The following RNLS variants were observed in gnomAD, a reference collection of about 807,000 sequenced individuals.
RNLS encodes renalase.
In RNLS, 39 loss-of-function variants were observed where a neutral mutation model predicts 39.8. The observed-to-expected ratio is 0.98, with a 90% confidence interval of 0.76 to 1.28. The LOEUF (loss-of-function observed/expected upper bound fraction) is 1.28. Ranked by LOEUF, RNLS falls within the 50% of genes most tolerant of loss-of-function variation. RNLS has a pLI of 0.00. For synonymous variants in RNLS, 147 were observed against 150.7 expected, an observed-to-expected ratio of 0.98 and a Z score of 0.18; for missense variants, 410 against 413.3, an observed-to-expected ratio of 0.99 and a Z score of 0.07.
intron 4 of RNLS, among the ~76,000 whole-genome samples, chr10:88,501,538 G>A (rs923591644): frequency 2.0e-5 from 3 of 152,144 alleles, no homozygotes; most frequent in Non-Finnish European, 1.5e-5. Context: ...TTCCTGAACA[G>A]ATTGGAAAAA....
chr10:88,226,904 A>T, the RNLS span, among the ~76,000 whole-genome samples: 4 of 152,246 alleles, frequency 2.6e-5, no homozygotes, highest in African/African-American at 9.6e-5. Context: ...ATGTGAAAAG[A>T]TACTTTAAAA....
intron 4 of RNLS, among the ~76,000 whole-genome samples, chr10:88,423,160 A>G (rs1424999572): frequency 6.6e-6 from 1 of 152,228 alleles, no homozygotes; most frequent in Non-Finnish European, 1.5e-5. Flanking sequence ...TATTCTCTTC[A>G]TGCTTCCAAA....
At chr10:88,369,373 T>G (rs182843190) in intron 4 of RNLS, among the ~76,000 whole-genome samples, 4 of 152,246 alleles carry the variant, frequency 2.6e-5, no homozygotes, top group African/African-American at 9.6e-5. Flanking sequence ...CTGGAAGGTT[T>G]TGGTCAATTG....
At chr10:88,549,848 G>A (rs1346073458) in intron 4 of RNLS, among the ~76,000 whole-genome samples, 4 of 152,150 alleles carry the variant, frequency 2.6e-5, no homozygotes, top group African/African-American at 9.7e-5. Flanking sequence ...ATTGAAATCT[G>A]TTTTTTAAAA....
chr10:88,215,135 CTAT>C, the RNLS span, among the ~76,000 whole-genome samples: 16 of 151,158 alleles, frequency 1.1e-4, no homozygotes, highest in Admixed American at 2.0e-4. Flanking sequence ...CCTAGTATCT[CTAT>C]TATTATTATT....
the RNLS span, among the ~76,000 whole-genome samples, chr10:88,199,699 T>C: frequency 1.3e-5 from 2 of 152,048 alleles, no homozygotes; most frequent in Non-Finnish European, 2.9e-5. Flanking sequence ...ACCTCCCATA[T>C]AGACCCTCTG....
At chr10:88,250,730 G>A in the RNLS span, among the ~76,000 whole-genome samples, 6 of 152,294 alleles carry the variant, frequency 3.9e-5, no homozygotes, top group South Asian at 2.1e-4. Flanking sequence ...ACCAAAGGCC[G>A]GATTCCGCCC....
At chr10:88,447,748 C>T (rs946922715) in intron 4 of RNLS, among the ~76,000 whole-genome samples, 4 of 152,178 alleles carry the variant, frequency 2.6e-5, no homozygotes, top group African/African-American at 4.8e-5. Flanking sequence ...TGCTACCTGA[C>T]TTCAAACTAA....
the RNLS span, among the ~76,000 whole-genome samples, chr10:88,178,350 T>C: frequency 6.6e-6 from 1 of 152,050 alleles, no homozygotes; most frequent in African/African-American, 2.4e-5. Flanking sequence ...TCCTGGGGAG[T>C]GAGGGCGACC....
In RNLS at chr10:88,308,238, TGCCAAAAGCAATTGC is replaced by T. The variant is rs555927732; in HGVS notation, c.876+6213_876+6227del. 4.9e-4 allele frequency among the ~76,000 whole-genome samples: 74 copies of T among 152,168 alleles called. 2 individuals are homozygous for T. The South Asian group carries it at 0.014, about 28-fold the overall frequency. On this transcript the variant is annotated intron_variant, in intron 6 of 6. Transcript: ENST00000331772. The stretch of plus-strand genomic sequence containing the variant: ...AGAGGCAAAGATTTCATGGCAAAGA[TGCCAAAAGCAATTGC>T]GCCAAAAGCAATTGCAACAAAAGCA...
At chr10:88,318,663 C>A (rs1216179585) in intron 5 of RNLS, among the ~76,000 whole-genome samples, 1 of 152,200 alleles carries the variant, frequency 6.6e-6, no homozygotes, top group Non-Finnish European at 1.5e-5. Flanking sequence ...GGGGAAGGGG[C>A]TCTGCCCCAA....
chr10:88,284,881 T>G lies in RNLS; in HGVS notation c.*473A>C. 5 of 985,834 alleles carry G rather than the reference T, an allele frequency of 5.1e-6. No individual in the cohort carries two copies. The highest frequency in any genetic ancestry group is 6.0e-6 in the Non-Finnish European group (5 of 830,246). The allele number at this position is 985,834 out of a possible 1,614,324, so 61.1% of individuals were successfully genotyped here. A position where few individuals can be genotyped will look rare whatever the true frequency, so the allele number is the denominator to read the frequency against. Reference sequence around the variant, plus strand: ...TAAATGAGAAATAAGAATTACACTCTGTTACCTACATTTTGGAAAAATCTT... The same window carrying G: ...TAAATGAGAAATAAGAATTACACTCGGTTACCTACATTTTGGAAAAATCTT... On this transcript the variant is annotated 3_prime_UTR_variant, in exon 7 of 7. Coordinates refer to ENST00000331772, the MANE Select transcript of RNLS (RefSeq NM_001031709.3).
rs117743641 is a variant in RNLS at position 88,465,339 on chromosome 10, A to G, written c.527-102614T>C. Among the ~76,000 whole-genome samples the G allele has an allele frequency of 2.4e-3, 365 of 152,236 alleles. 2 individuals carry two copies. The highest frequency in any genetic ancestry group is 5.0e-3 in the South Asian group (24 of 4,828). ...TCGTCATTGATTTACATAACAAATA[A>G]TTCTTGAGTATAGTGCTAAGGTAGT... On this transcript the variant is annotated intron_variant, in intron 4 of 6. Coordinates refer to ENST00000331772, the MANE Select transcript of RNLS (RefSeq NM_001031709.3).
chr10:88,402,791 C>G (rs971776871), intron 4 of RNLS, among the ~76,000 whole-genome samples: 2 of 151,960 alleles, frequency 1.3e-5, no homozygotes, highest in Non-Finnish European at 2.9e-5. Flanking sequence ...AAGCTATAGA[C>G]AAGCAGTTAC....
intron 4 of RNLS, among the ~76,000 whole-genome samples, chr10:88,443,284 C>A (rs969177247): frequency 6.6e-6 from 1 of 152,224 alleles, no homozygotes; most frequent in Non-Finnish European, 1.5e-5. Flanking sequence ...TGACACCACC[C>A]TCCTGAAAAT....
chr10:88,565,216 A>G (rs1849422889), intron 4 of RNLS, among the ~76,000 whole-genome samples: 2 of 152,032 alleles, frequency 1.3e-5, no homozygotes, highest in African/African-American at 4.8e-5. Flanking sequence ...TGTTTCTGTC[A>G]TTTTCACAGT....
At chr10:88,565,861 T>C (rs971402970) in intron 4 of RNLS, among the ~76,000 whole-genome samples, 1 of 150,710 alleles carries the variant, frequency 6.6e-6, no homozygotes, top group African/African-American at 2.4e-5. Flanking sequence ...GCGATTCTCC[T>C]GCCTCAGCCT....
the RNLS span, among the ~76,000 whole-genome samples, chr10:88,185,958 C>T: frequency 1.3e-5 from 2 of 152,104 alleles, no homozygotes; most frequent in Admixed American, 1.3e-4. Context: ...GTTAATATTT[C>T]CAGGAAGCAG....
the RNLS span, among the ~76,000 whole-genome samples, chr10:88,250,127 A>G: frequency 6.6e-6 from 1 of 152,222 alleles, no homozygotes; most frequent in Non-Finnish European, 1.5e-5. Context: ...ACCGTGACTC[A>G]TCATAGCATT....
Sources: gnomAD v4.1 joint callset for allele counts (sites outside exome capture counted in the v4.1 genomes callset) on GRCh38, gnomAD v4.1.1 for gene constraint, MANE v1.5 for transcripts, NCBI Gene and HGNC (gene_info 2026-07-23, HGNC 2026-07-21) for gene names.